The following EML1 variants were observed in gnomAD, a reference collection of about 807,000 sequenced individuals.
EML1 encodes EMAP like 1.
In EML1, 27 loss-of-function variants were observed where a neutral mutation model predicts 110.4. The observed-to-expected ratio is 0.24, with a 90% CI of 0.18 to 0.34. The LOEUF is 0.34. EML1 is among the 10% of genes least tolerant of loss of function. The pLI, the probability that EML1 is intolerant of heterozygous loss-of-function variation, is 1.00. For synonymous variants in EML1, 344 were observed against 385.8 expected (o/e 0.89, Z 1.27); for missense variants, 741 against 1,030.9 (o/e 0.72, Z 3.85).
In EML1 at chr14:99,905,420, GGA is replaced by G. The variant is rs960578315; in HGVS notation, c.1009-2209_1009-2208del. Among the ~76,000 whole-genome samples, 10 of 152,124 alleles carry G rather than the reference GGA, an allele frequency of 6.6e-5. No individual in the cohort carries two copies. The highest frequency in any genetic ancestry group is 2.4e-4 in the African/African-American group (10 of 41,408). ...ATAGAAAACATAAGAAAGGGAAAAA[GGA>G]GAGAGAGAAAAGCATTCCCTGTGGC... On this transcript the variant is annotated intron_variant, in intron 9 of 21. Coordinates refer to ENST00000262233, the MANE Select transcript of EML1 (RefSeq NM_004434.3). The surrounding 1 kb of genome is among the most constrained non-coding windows in gnomAD (Gnocchi z 4.1).
intron 1 of EML1, among the ~76,000 whole-genome samples, chr14:99,808,402 A>G (rs540066935): frequency 7.9e-4 from 120 of 152,342 alleles, no homozygotes; most frequent in Non-Finnish European, 1.4e-3. Flanking sequence ...GAAGCTTTTC[A>G]GTAATACCAG....
At chr14:99,906,059 C>T (rs1401352466) in intron 9 of EML1, among the ~76,000 whole-genome samples, 1 of 152,128 alleles carries the variant, frequency 6.6e-6, no homozygotes, top group African/African-American at 2.4e-5. Context: ...CTAAAGTTAG[C>T]CTTTGGATTG....
Position 99,739,137 on chromosome 14 carries a change from T to A in EML1, c.28+1277T>A, listed in dbSNP as rs1334706062. Among the ~76,000 whole-genome samples, 7 of 150,212 alleles carry A rather than the reference T, an allele frequency of 4.7e-5. 1 individual carries two copies. The East Asian group carries it at 9.9e-4, about 21-fold the overall frequency. On this transcript the variant is annotated intron_variant, in intron 1 of 10. Coordinates refer to the EML1 transcript ENST00000554479. Reference sequence around the variant, plus strand: ...GAGAGAGAGTGTGTGTGTGTGTGTGTGTGTGTGTGTGTGTGTGTTGGGGAG... The same window carrying A: ...GAGAGAGAGTGTGTGTGTGTGTGTGAGTGTGTGTGTGTGTGTGTTGGGGAG...
intron 1 of EML1, among the ~76,000 whole-genome samples, chr14:99,811,661 A>T (rs76146332): frequency 6.9e-6 from 1 of 145,462 alleles, no homozygotes; most frequent in African/African-American, 2.6e-5. Context: ...AAAAAAAAAA[A>T]TTAGCCAGGC....
rs779465949 is a variant in EML1, at chr14:99,907,723, C to T, written c.1094C>T (p.Ala365Val). The T allele has an allele frequency of 6.2e-7, 1 of 1,614,160 alleles. No homozygotes were observed. Among genetic ancestry groups the T allele is most frequent in the South Asian group, 1.1e-5 (1 of 91,074 alleles). ...VWDWQKEEKL[A>V]DVKCSNEAVF... ...GACTGGCAGAAAGAAGAAAAACTAG[C>T]AGATGTGAAGGTCATGCTCCAAGCC... Residue 365 changes from alanine (A) to valine (V), a missense_variant, in exon 10 of 22, where the codon GCA (alanine) becomes GTA (valine). Physicochemically the swap from Ala to Val is moderately conservative, Grantham distance 64 (BLOSUM62 0). Around this residue, in one of 4 missense-constraint regions of EML1, gnomAD observed 388 missense variants for 605.6 expected, o/e 0.64. Transcript: ENST00000262233.
At chr14:99,884,619 A>G (rs2059443676) in intron 4 of EML1, among the ~76,000 whole-genome samples, 1 of 152,220 alleles carries the variant, frequency 6.6e-6, no homozygotes, top group Admixed American at 6.5e-5. Context: ...CCCTTAACTC[A>G]TGAATAGGCA....
chr14:99,761,366 T>C (rs1466462393), intron 1 of EML1, among the ~76,000 whole-genome samples: 1 of 152,212 alleles, frequency 6.6e-6, no homozygotes, highest in South Asian at 2.1e-4. Context: ...TTGACAGATA[T>C]GATGTTTTGG....
chr14:99,941,857 T>C lies in EML1; in HGVS notation c.*1745T>C, dbSNP rs188442108. 12 of 152,376 alleles carry C rather than the reference T, an allele frequency of 7.9e-5. No homozygotes were observed. The highest frequency in any genetic ancestry group is 2.6e-4 in the African/African-American group (11 of 41,596). 9.4% of individuals were successfully genotyped at this position (152,376 alleles called of 1,614,324 possible). ...TGAGGGAAGGAAAAGGCATTCATTA[T>C]TGACTTACATGTCAGTAAGGTCTGC... On this transcript the variant is annotated 3_prime_UTR_variant, in exon 22 of 22. Transcript: ENST00000262233.
Position 99,874,080 on chromosome 14 carries a change from A to T in EML1, c.384-4405A>T, listed in dbSNP as rs187418017. On this transcript the variant is annotated intron_variant, in intron 3 of 21. Transcript: ENST00000262233. ...CAAAATTTTGGAAAATCAATTTTTG[A>T]TTCCCAATCACATGATGAAAGAAAA... 2.0e-4 allele frequency among the ~76,000 whole-genome samples: 31 copies of T among 152,340 alleles called. No homozygotes were observed. In the East Asian group the frequency reaches 5.6e-3, roughly 27 times the overall value.
chr14:99,860,761 C>T (rs1445614052), intron 2 of EML1, among the ~76,000 whole-genome samples: 1 of 152,136 alleles, frequency 6.6e-6, no homozygotes, highest in Non-Finnish European at 1.5e-5. Context: ...ATCTATCCAA[C>T]TTCTCAGTCA....
In EML1 at chr14:99,911,412, G is replaced by C; in HGVS notation, c.1340-10G>C. The C allele has an allele frequency of 1.3e-6, 2 of 1,567,916 alleles. No individual in the cohort carries two copies. Among genetic ancestry groups the C allele is most frequent in the Non-Finnish European group, 1.7e-6 (2 of 1,165,246 alleles). ...CAATGTGCTAATGATGGTTTTCTTG[G>C]TGTGTTTAGGTACAAATCGAATAAG... On this transcript the variant is annotated splice_polypyrimidine_tract_variant and intron_variant, in intron 12 of 21. Transcript: ENST00000262233.
At chr14:99,814,093 G>C (rs534091771) in intron 1 of EML1, among the ~76,000 whole-genome samples, 1 of 152,262 alleles carries the variant, frequency 6.6e-6, no homozygotes, top group African/African-American at 2.4e-5. Context: ...GTAACTTCAA[G>C]AGTTGACACA....
chr14:99,851,315 CT>C (rs796706418), intron 2 of EML1, among the ~76,000 whole-genome samples: 13 of 148,616 alleles, frequency 8.7e-5, no homozygotes, highest in South Asian at 8.6e-4. Flanking sequence ...GAGAACAGTT[CT>C]TTTTTTTTTG....
At chr14:99,867,978 T>C (rs545613247) in intron 3 of EML1, among the ~76,000 whole-genome samples, 11 of 152,316 alleles carry the variant, frequency 7.2e-5, no homozygotes, top group East Asian at 1.9e-4. Context: ...GTTTATTACA[T>C]TGAGGTAGTT....
chr14:99,757,499 A>C (rs1194320301), intron 1 of EML1, among the ~76,000 whole-genome samples: 1 of 152,212 alleles, frequency 6.6e-6, no homozygotes, highest in East Asian at 1.9e-4. Flanking sequence ...CACACGGCAC[A>C]GACACCCACG....
intron 17 of EML1, among the ~76,000 whole-genome samples, chr14:99,923,208 G>A (rs955070514): frequency 1.3e-5 from 2 of 152,162 alleles, no homozygotes; most frequent in South Asian, 4.1e-4. Flanking sequence ...TCCCAAAACT[G>A]CTGGGATTAT....
intron 4 of EML1, among the ~76,000 whole-genome samples, chr14:99,887,015 A>G (rs1480453337): frequency 6.6e-6 from 1 of 152,220 alleles, no homozygotes; most frequent in Non-Finnish European, 1.5e-5. Context: ...TGTTGACCGC[A>G]CTGGTGTCTG....
chr14:99,791,169 A>C (rs2057666152), upstream of EML1, among the ~76,000 whole-genome samples: 1 of 152,132 alleles, frequency 6.6e-6, no homozygotes, highest in Non-Finnish European at 1.5e-5. Flanking sequence ...CTCCCTGCCA[A>C]AGTGTTCTAA....
intron 2 of EML1, 48 bp downstream of exon 2, chr14:99,851,083 C>A: frequency 6.4e-7 from 1 of 1,567,950 alleles, no homozygotes; most frequent in Non-Finnish European, 8.7e-7. Flanking sequence ...GGTCTCGTGG[C>A]AGAATCTTGC....
Sources: gnomAD v4.1 joint callset for allele counts (sites outside exome capture counted in the v4.1 genomes callset) on GRCh38, gnomAD v4.1.1 for gene constraint, gnomAD v4.1.1 regional missense constraint, Gnocchi (gnomAD v3.1) non-coding constraint, MANE v1.5 for transcripts, NCBI Gene and HGNC (gene_info 2026-07-23, HGNC 2026-07-21) for gene names.